MTF1: variants seen among roughly 807,000 people sequenced by gnomAD.
MTF1 encodes the protein MRE-binding transcription factor.
A neutral mutation model predicts 70.4 loss-of-function variants in MTF1; 22 were observed. That is an observed-to-expected ratio of 0.31 (90% CI 0.22 to 0.45). MTF1 has a LOEUF of 0.45. Among genes scored for constraint, MTF1 ranks in the 20% least tolerant of loss-of-function variants. The probability of loss-of-function intolerance (pLI) is 1.00; values close to 1 mark genes in which losing one functional copy is unlikely to be tolerated. For synonymous variants in MTF1, 333 were observed against 352.8 expected (o/e 0.94, Z 0.63); for missense variants, 649 against 922.0 (o/e 0.70, Z 3.83).
chr1:37,847,046 T>C (rs901481106), intron 2 of MTF1, among the ~76,000 whole-genome samples: 2 of 152,282 alleles, frequency 1.3e-5, no homozygotes, highest in Admixed American at 1.3e-4. Flanking sequence ...TTCTTCTCCA[T>C]AATGGACAAC....
rs530394757 is a variant in MTF1, at chr1:37,810,195, T to C, written c.*4941A>G. ...AGAGAAAGCCTCTGACTTGGCACAC[T>C]ACGAGGATAACAAGGATATTGCAAA... is the stretch of plus-strand genomic sequence containing the variant. On this transcript the variant is annotated 3_prime_UTR_variant, in exon 11 of 11. Coordinates refer to ENST00000373036, the MANE Select transcript of MTF1 (RefSeq NM_005955.3). 1.3e-5 allele frequency: 2 copies of C among 152,566 alleles called. No homozygotes were observed. The highest frequency in any genetic ancestry group is 1.3e-4 in the Admixed American group (2 of 15,298). The allele number at this position is 152,566 out of a possible 1,614,324, so 9.5% of individuals were successfully genotyped here.
rs1390235472 is a variant in MTF1 at position 37,840,634 on chromosome 1, A to G, written c.409-476T>C. The G allele has an allele frequency of 2.7e-6, 1 of 374,560 alleles. No individual in the cohort carries two copies. The highest frequency in any genetic ancestry group is 5.3e-6 in the Non-Finnish European group (1 of 190,034). 23.2% of individuals were successfully genotyped at this position (374,560 alleles called of 1,614,324 possible). A position where few individuals can be genotyped will look rare whatever the true frequency, so the allele number is the denominator to read the frequency against. ...TTTCCCTAGATTGTTTCCACTGCAT[A>G]TTTTCAAGCCTACAAAATGACAACA... On this transcript the variant is annotated intron_variant, in intron 2 of 10. Transcript: ENST00000373036. This position sits in a 1 kb window ranked among gnomAD's most constrained non-coding sequence, Gnocchi z 4.5.
At chr1:37,846,536 C>T (rs1359102180) in intron 2 of MTF1, among the ~76,000 whole-genome samples, 3 of 152,006 alleles carry the variant, frequency 2.0e-5, no homozygotes, top group Non-Finnish European at 2.9e-5. Flanking sequence ...CTGAGGATAA[C>T]ATCTCATGCT....
intron 2 of MTF1, among the ~76,000 whole-genome samples, chr1:37,851,994 G>A (rs1223091744): frequency 2.6e-5 from 4 of 152,072 alleles, no homozygotes; most frequent in African/African-American, 9.7e-5. Flanking sequence ...GTGAACAACT[G>A]CACAACCAGC....
At chr1:37,844,245 A>T (rs1417655082) in intron 2 of MTF1, among the ~76,000 whole-genome samples, 1 of 151,810 alleles carries the variant, frequency 6.6e-6, no homozygotes, top group Non-Finnish European at 1.5e-5. Flanking sequence ...GCAACAGTAC[A>T]CTCTTACCCA....
At chr1:37,835,557 G>A in intron 5 of MTF1, 114 bp downstream of exon 5, 1 of 785,426 alleles carries the variant, frequency 1.3e-6, no homozygotes. Context: ...AGCTAATTAT[G>A]CTCACCTGAA....
At position 37,839,913 on chromosome 1, in the gene MTF1, G is replaced by T; in HGVS notation, c.647+7C>A. On this transcript the variant is annotated splice_region_variant and intron_variant, in intron 3 of 10. Transcript: ENST00000373036. ...GAGGCTGGCAGAGCATTGGAGACGA[G>T]ACTGACCTGTACAGTGTGTTGAATG... 6.2e-7 allele frequency: 1 copy of T among 1,609,414 alleles called. No individual in the cohort carries two copies. The highest frequency in any genetic ancestry group is 1.1e-5 in the South Asian group (1 of 90,942).
chr1:37,816,258 G>A (rs1640816936), intron 10 of MTF1, among the ~76,000 whole-genome samples: 3 of 152,316 alleles, frequency 2.0e-5, no homozygotes, highest in Admixed American at 2.0e-4. Context: ...AGGATGAGGT[G>A]CAGTGGCTCA....
At position 37,810,076 on chromosome 1, in the gene MTF1, C is replaced by T. The variant is rs1640685099; in HGVS notation, c.*5060G>A. On this transcript the variant is annotated 3_prime_UTR_variant, in exon 11 of 11. Coordinates refer to ENST00000373036, the MANE Select transcript of MTF1 (RefSeq NM_005955.3). ...GGGAACAGACACCTTGAACTCTGAC[C>T]CCCACCCCCACATTCTCCAAAACAC... 1 of 152,122 alleles carries T rather than the reference C, an allele frequency of 6.6e-6. No homozygotes were observed. The highest frequency in any genetic ancestry group is 1.5e-5 in the Non-Finnish European group (1 of 68,048). 9.4% of individuals were successfully genotyped at this position (152,122 alleles called of 1,614,324 possible).
chr1:37,834,954 T>C, intron 6 of MTF1, 125 bp downstream of exon 6: 1 of 1,013,868 alleles, frequency 9.9e-7, no homozygotes, highest in Non-Finnish European at 1.5e-6. Flanking sequence ...ACACTGATCT[T>C]GACCCTGACT....
At position 37,830,977 on chromosome 1, in the gene MTF1, A is replaced by G. The variant is rs533678453; in HGVS notation, c.1068+1268T>C. Among the ~76,000 whole-genome samples the G allele has an allele frequency of 1.1e-4, 16 of 152,302 alleles. No homozygotes were observed. In the East Asian group the frequency reaches 3.1e-3, roughly 29 times the overall value. ...CCTGAACTCTGTCCTCTGGTTATTCAAGCCAGTAAGATTGAGTTTTTATAA... is the reference window on the plus strand; with the variant it reads ...CCTGAACTCTGTCCTCTGGTTATTCGAGCCAGTAAGATTGAGTTTTTATAA... On this transcript the variant is annotated intron_variant, in intron 7 of 10. Coordinates refer to ENST00000373036, the MANE Select transcript of MTF1 (RefSeq NM_005955.3).
In MTF1 at chr1:37,832,259, C is replaced by T; in HGVS notation, c.1054G>A (p.Glu352Lys). The part of the protein sequence containing the change: ...SLLSTDSELR[E>K]NSSTTQGQDL... ...GGTACACTTACCGTACTGGAATTTTCTCGCAATTCAGAATCTGTGGACAGA... is the reference window on the plus strand; with the variant it reads ...GGTACACTTACCGTACTGGAATTTTTTCGCAATTCAGAATCTGTGGACAGA... The change falls in exon 7 of 11, where the codon GAA becomes AAA. Residue 352 changes from glutamate (E) to lysine (K), a missense_variant. This residue lies in a region of MTF1 where 267 missense variants were observed against 292.1 expected (regional missense o/e 0.91). Coordinates refer to ENST00000373036, the MANE Select transcript of MTF1 (RefSeq NM_005955.3). 1 of 1,612,256 alleles carries T rather than the reference C, an allele frequency of 6.2e-7. No individual in the cohort carries two copies. Among genetic ancestry groups the T allele is most frequent in the Non-Finnish European group, 8.5e-7 (1 of 1,178,536 alleles).
intron 7 of MTF1, among the ~76,000 whole-genome samples, chr1:37,829,899 C>T (rs1298938472): frequency 1.3e-5 from 2 of 152,156 alleles, no homozygotes; most frequent in Admixed American, 1.3e-4. Flanking sequence ...GTACCAGGAG[C>T]ATGATCTATA....
In MTF1 at chr1:37,812,503, A is replaced by G. The variant is rs1274394107; in HGVS notation, c.*2633T>C. Reference sequence around the variant, plus strand: ...GATACTTCAGCTTCTTCAACTGGAAAAATCTGTCAGCCTAAACACTGTTTA... The same window carrying G: ...GATACTTCAGCTTCTTCAACTGGAAGAATCTGTCAGCCTAAACACTGTTTA... On this transcript the variant is annotated 3_prime_UTR_variant, in exon 11 of 11. Transcript: ENST00000373036. The G allele has an allele frequency of 6.6e-6, 1 of 152,230 alleles. No homozygotes were observed. The highest frequency in any genetic ancestry group is 1.5e-5 in the Non-Finnish European group (1 of 68,052). The allele number at this position is 152,230 out of a possible 1,614,324, so 9.4% of individuals were successfully genotyped here.
intron 1 of MTF1, 73 bp from the exon 2 acceptor site, chr1:37,857,782 AT>A: frequency 1.2e-6 from 1 of 839,252 alleles, no homozygotes; most frequent in Non-Finnish European, 1.8e-6. Flanking sequence ...CACAAGGCTC[AT>A]TTTCCCTCTC....
rs1289823620 is a variant in MTF1, at chr1:37,812,459, G to C, written c.*2677C>G. The C allele has an allele frequency of 6.6e-6, 1 of 152,172 alleles. No individual in the cohort carries two copies. The highest frequency in any genetic ancestry group is 1.5e-5 in the Non-Finnish European group (1 of 68,038). The allele number at this position is 152,172 out of a possible 1,614,324, so 9.4% of individuals were successfully genotyped here. ...ATCTGATAGTCTCTCTTGTAATCTAGAGTCACCCTCAAAAGGCAGATACTT... is the reference window on the plus strand; with the variant it reads ...ATCTGATAGTCTCTCTTGTAATCTACAGTCACCCTCAAAAGGCAGATACTT... On this transcript the variant is annotated 3_prime_UTR_variant, in exon 11 of 11. Coordinates refer to ENST00000373036, the MANE Select transcript of MTF1 (RefSeq NM_005955.3).
intron 10 of MTF1, among the ~76,000 whole-genome samples, chr1:37,816,766 G>A (rs1298598425): frequency 4.6e-5 from 7 of 152,136 alleles, no homozygotes; most frequent in African/African-American, 1.4e-4. Context: ...GGGGGCTGAG[G>A]CAAGAGGATT....
chr1:37,828,183 AAAAC>A lies in MTF1; in HGVS notation c.1068+4058_1068+4061del, dbSNP rs1259232660. The A allele has an allele frequency of 1.7e-5, 7 of 418,672 alleles. No homozygotes were observed. The Admixed American group carries it at 1.8e-4, about 11-fold the overall frequency. The allele number at this position is 418,672 out of a possible 1,614,324, so 25.9% of individuals were successfully genotyped here. On this transcript the variant is annotated intron_variant, in intron 7 of 10. Coordinates refer to ENST00000373036, the MANE Select transcript of MTF1 (RefSeq NM_005955.3). ...CAATCATAAAAGCATTAAAAAAAAA[AAAAC>A]AGGAAAAACTAATCTTAGTTGTTGT...
Position 37,835,117 on chromosome 1 carries a change from G to T in MTF1, c.952C>A (p.His318Asn). ...TGTTGTGGAAGTGCATTGTATGAGT[G>T]TCCTTTGTTATCATGACCTTTCATG... ...SHMKGHDNKG[H>N]SYNALPQHNG... Residue 318 changes from histidine to asparagine, a missense_variant, in exon 6 of 11, where the codon CAC (histidine) becomes AAC (asparagine). By Grantham distance (68) the His-to-Asn change is moderately conservative (BLOSUM62 1). This residue lies in a region of MTF1 where 267 missense variants were observed against 292.1 expected (regional missense o/e 0.91). Transcript: ENST00000373036. 1 of 1,614,104 alleles carries T rather than the reference G, an allele frequency of 6.2e-7. No homozygotes were observed. Among genetic ancestry groups the T allele is most frequent in the Non-Finnish European group, 8.5e-7 (1 of 1,179,960 alleles).
Sources: allele counts gnomAD v4.1 joint callset (sites outside exome capture counted in the v4.1 genomes callset), GRCh38; gene constraint gnomAD v4.1.1; regional missense constraint gnomAD v4.1.1; non-coding constraint Gnocchi (gnomAD v3.1); transcripts MANE v1.5; gene names NCBI Gene and HGNC (gene_info 2026-07-23, HGNC 2026-07-21).